The following DGKI variants were observed in gnomAD, a reference collection of about 807,000 sequenced individuals.
The protein encoded by DGKI is diacylglycerol kinase iota, also known as DAG kinase iota.
A neutral mutation model predicts 147.5 loss-of-function variants in DGKI; 55 were observed. That is an observed-to-expected ratio of 0.37 (90% confidence interval 0.30 to 0.47). The LOEUF (loss-of-function observed/expected upper bound fraction) is 0.47. Ranked by LOEUF, DGKI falls within the 20% of genes least tolerant of loss-of-function variation. The pLI, the probability that DGKI is intolerant of heterozygous loss-of-function variation, is 1.00. For missense variants in DGKI, 1,007 were observed against 1,323.8 expected (o/e 0.76, Z 3.71); for synonymous variants, 469 against 477.1 (o/e 0.98, Z 0.22).
intron 1 of DGKI, among the ~76,000 whole-genome samples, chr7:137,843,719 T>C (rs949259165): frequency 3.1e-4 from 47 of 149,982 alleles, no homozygotes; most frequent in Admixed American, 1.3e-4. Flanking sequence ...CTAGCTTATA[T>C]GTTCCTTAGC....
intron 28 of DGKI, among the ~76,000 whole-genome samples, chr7:137,435,295 A>G (rs1813237997): frequency 6.6e-6 from 1 of 152,202 alleles, no homozygotes; most frequent in African/African-American, 2.4e-5. Context: ...AAAACAGGCA[A>G]TAAGGAAGGA....
At chr7:137,675,386 T>TTCTC (rs1585357707) in intron 3 of DGKI, among the ~76,000 whole-genome samples, 1 of 152,152 alleles carries the variant, frequency 6.6e-6, no homozygotes, top group East Asian at 1.9e-4. Flanking sequence ...AGGTGCTCGT[T>TTCTC]AAAATCACAG....
intron 1 of DGKI, among the ~76,000 whole-genome samples, chr7:137,790,231 AACACACACACACACACAC>A (rs137932599): frequency 3.5e-4 from 51 of 143,712 alleles, no homozygotes; most frequent in Non-Finnish European, 2.9e-4. Context: ...GTGTATTACC[AACACACACACACACACAC>A]ACACACACAC....
intron 28 of DGKI, among the ~76,000 whole-genome samples, chr7:137,433,031 T>C (rs144973646): frequency 6.6e-6 from 1 of 152,292 alleles, no homozygotes; most frequent in Non-Finnish European, 1.5e-5. Flanking sequence ...AGTCACACCC[T>C]AAGATTTAGG....
intron 1 of DGKI, among the ~76,000 whole-genome samples, chr7:137,694,995 G>A (rs1823736490): frequency 6.6e-6 from 1 of 152,040 alleles, no homozygotes; most frequent in African/African-American, 2.4e-5. Flanking sequence ...AATTACTATT[G>A]AACCAAAGGT....
rs1306245703 is a variant in DGKI at position 137,582,432 on chromosome 7, CTCTA to C, written c.1564-508_1564-505del. Among the ~76,000 whole-genome samples, 523 of 150,310 alleles carry C rather than the reference CTCTA, an allele frequency of 3.5e-3. 13 individuals are homozygous for C. Among genetic ancestry groups the C allele is most frequent in the Admixed American group, 0.028 (426 of 15,104 alleles). On this transcript the variant is annotated intron_variant, in intron 14 of 32. Transcript: ENST00000614521. ...ACCCATTTTCTCTCTCTCTCTCTCT[CTCTA>C]TATATATATATATATACACACACAC... is the stretch of plus-strand genomic sequence containing the variant.
intron 1 of DGKI, among the ~76,000 whole-genome samples, chr7:137,815,349 T>C (rs2117014439): frequency 6.6e-6 from 1 of 152,292 alleles, no homozygotes; most frequent in South Asian, 2.1e-4. Flanking sequence ...CTGCACAGGC[T>C]TTGGTGCTGG....
chr7:137,391,270 G>A lies in DGKI; in HGVS notation c.3124C>T (p.Arg1042Cys), dbSNP rs200049424. 66 of 1,613,720 alleles carry A rather than the reference G, an allele frequency of 4.1e-5. 1 individual carries two copies. The highest frequency in any genetic ancestry group is 3.3e-4 in the Admixed American group (20 of 59,984). ...DPDLAAYLESRQNYKVIGHED... is the reference protein window; with the variant it reads ...DPDLAAYLESCQNYKVIGHED... ...TGGCCAATGACCTTATAGTTCTGAC[G>A]GCTTTCTAGGTAAGCAGCCAAGTCT... The change falls in exon 33 of 33, where the codon CGT becomes TGT. Residue 1042 changes from arginine (R) to cysteine (C), a missense_variant. This residue lies in a region of DGKI where 385 missense variants were observed against 445.2 expected (regional missense o/e 0.86). Transcript: ENST00000614521.
chr7:137,655,040 T>C (rs74890512), intron 4 of DGKI, among the ~76,000 whole-genome samples: 3,210 of 152,246 alleles, frequency 0.021, 60 homozygotes, highest in Non-Finnish European at 0.034. Context: ...TAAACGATAA[T>C]GCTCTTACAC....
chr7:137,469,423 G>A, intron 24 of DGKI, 127 bp downstream of exon 24: 1 of 859,254 alleles, frequency 1.2e-6, no homozygotes, highest in Non-Finnish European at 1.9e-6. Flanking sequence ...GCCAATACCA[G>A]CCATGTGGAG....
chr7:137,395,766 G>T, intron 31 of DGKI, 69 bp from the exon 32 acceptor site: 1 of 1,446,776 alleles, frequency 6.9e-7, no homozygotes. Flanking sequence ...GGTGAGGGGA[G>T]CTGATGTAGG....
At chr7:137,663,810 T>G (rs1464577146) in intron 3 of DGKI, among the ~76,000 whole-genome samples, 1 of 152,154 alleles carries the variant, frequency 6.6e-6, no homozygotes, top group Admixed American at 6.5e-5. Context: ...CATGCCGCTA[T>G]ATTCCAGCAC....
intron 6 of DGKI, among the ~76,000 whole-genome samples, chr7:137,625,421 C>T (rs1350281951): frequency 6.6e-6 from 1 of 152,014 alleles, no homozygotes; most frequent in East Asian, 1.9e-4. Context: ...AATCGTGCTA[C>T]TGCCCCCTAG....
At chr7:137,633,225 A>AT (rs1821196001) in intron 6 of DGKI, among the ~76,000 whole-genome samples, 1 of 151,802 alleles carries the variant, frequency 6.6e-6, no homozygotes, top group African/African-American at 2.4e-5. Context: ...AAAAAAAAAA[A>AT]AAAAAAAAGC....
chr7:137,780,460 T>C (rs1397091708), intron 1 of DGKI, among the ~76,000 whole-genome samples: 1 of 152,182 alleles, frequency 6.6e-6, no homozygotes, highest in Non-Finnish European at 1.5e-5. Context: ...AAGCAATTCC[T>C]GTAAGATGCA....
At chr7:137,791,222 T>G (rs1031904464) in intron 1 of DGKI, among the ~76,000 whole-genome samples, 6 of 152,164 alleles carry the variant, frequency 3.9e-5, no homozygotes, top group African/African-American at 1.4e-4. Flanking sequence ...CCTATATCTC[T>G]TCTCTCATCT....
chr7:137,742,903 CG>C (rs1300228919), intron 1 of DGKI, among the ~76,000 whole-genome samples: 1 of 152,082 alleles, frequency 6.6e-6, no homozygotes, highest in Non-Finnish European at 1.5e-5. Context: ...TCTAACAAAA[CG>C]AAGTTCTAGT....
chr7:137,404,476 C>T (rs1001310493), intron 30 of DGKI, among the ~76,000 whole-genome samples: 2 of 152,158 alleles, frequency 1.3e-5, no homozygotes, highest in Non-Finnish European at 2.9e-5. Flanking sequence ...TTAAAAATTG[C>T]CATCCATCAA....
At chr7:137,632,327 T>C (rs559876298) in intron 6 of DGKI, among the ~76,000 whole-genome samples, 12 of 152,266 alleles carry the variant, frequency 7.9e-5, no homozygotes, top group South Asian at 2.1e-4. Context: ...ACAGAATCCA[T>C]TGATTGAAGG....
Sources: gnomAD v4.1 joint callset for allele counts (sites outside exome capture counted in the v4.1 genomes callset) on GRCh38, gnomAD v4.1.1 for gene constraint, gnomAD v4.1.1 regional missense constraint, MANE v1.5 for transcripts, NCBI Gene and HGNC (gene_info 2026-07-23, HGNC 2026-07-21) for gene names.